The following CASP4 variants were observed in gnomAD, a reference collection of about 807,000 sequenced individuals.
CASP4 encodes the protein caspase-4.
Under a neutral mutation model 41.3 loss-of-function variants are expected in CASP4, and 29 were observed. The observed-to-expected ratio is 0.70, with a 90% CI of 0.52 to 0.96. The LOEUF is 0.96. CASP4 is among the 40% of genes least tolerant of loss of function. The pLI, the probability that CASP4 is intolerant of heterozygous loss-of-function variation, is 0.00. For missense variants in CASP4, 447 were observed against 460.6 expected (o/e 0.97, Z 0.27); for synonymous variants, 185 against 158.4 (o/e 1.17, Z -1.26).
At chr11:104,967,336 A>G (rs550595621) in intron 1 of CASP4, among the ~76,000 whole-genome samples, 1 of 152,356 alleles carries the variant, frequency 6.6e-6, no homozygotes, top group East Asian at 1.9e-4. Flanking sequence ...GAATCAAAGG[A>G]GTAAAGAAAC....
chr11:104,943,398 A>G (rs1376000069), intron 8 of CASP4: 1 of 169,504 alleles, frequency 5.9e-6, no homozygotes, highest in African/African-American at 2.4e-5. Flanking sequence ...TCTGTGCTGG[A>G]ACACTTTTCC....
intron 1 of CASP4, among the ~76,000 whole-genome samples, chr11:104,956,905 T>C (rs1042967878): frequency 6.6e-6 from 1 of 152,016 alleles, no homozygotes; most frequent in Non-Finnish European, 1.5e-5. Flanking sequence ...AGCAATAAAA[T>C]TGAAGAGTTT....
Position 104,954,727 on chromosome 11 carries a change from T to C in CASP4, c.262+20A>G. 6.2e-7 allele frequency: 1 copy of C among 1,608,086 alleles called. No homozygotes were observed. The highest frequency in any genetic ancestry group is 8.5e-7 in the Non-Finnish European group (1 of 1,176,412). On this transcript the variant is annotated intron_variant, in intron 2 of 8. Transcript: ENST00000444739. ...ATTTAGGGAAAATTGAGACATTCAT[T>C]GTAAAAAATCCAGTCTTACCTTTTT...
intron 1 of CASP4, among the ~76,000 whole-genome samples, chr11:104,962,885 A>G (rs1860892146): frequency 6.6e-6 from 1 of 152,188 alleles, no homozygotes; most frequent in Non-Finnish European, 1.5e-5. Flanking sequence ...TAACTTTGCC[A>G]TTTAATGAGG....
chr11:104,962,781 T>C (rs574709140), intron 1 of CASP4, among the ~76,000 whole-genome samples: 12 of 152,368 alleles, frequency 7.9e-5, no homozygotes, highest in Admixed American at 2.6e-4. Context: ...TGCTCAATGC[T>C]GTAATTCAGT....
At chr11:104,943,704 G>C (rs893631107) in intron 8 of CASP4, 1 of 152,102 alleles carries the variant, frequency 6.6e-6, no homozygotes, top group African/African-American at 2.4e-5. Flanking sequence ...AACAAAACCT[G>C]GTGCACAGTT....
chr11:104,958,381 A>G (rs991891675), intron 1 of CASP4, among the ~76,000 whole-genome samples: 3 of 152,234 alleles, frequency 2.0e-5, no homozygotes, highest in African/African-American at 7.2e-5. Flanking sequence ...CAAACCATAC[A>G]TCTGATAAAG....
intron 2 of CASP4, 32 bp downstream of exon 2, chr11:104,954,715 T>G (rs1045092904): frequency 2.5e-6 from 4 of 1,601,786 alleles, no homozygotes; most frequent in Non-Finnish European, 3.4e-6. Context: ...TAGGGAAAAT[T>G]GAGACATTCA....
chr11:104,950,818 A>ACACACACACACACC, intron 4 of CASP4, 107 bp downstream of exon 4: 2 of 983,792 alleles, frequency 2.0e-6, no homozygotes, highest in Non-Finnish European at 3.0e-6. Flanking sequence ...ACACACACAC[A>ACACACACACACACC]CACACCCAAA....
chr11:104,967,857 A>T (rs1170875920), intron 1 of CASP4, among the ~76,000 whole-genome samples: 1 of 152,198 alleles, frequency 6.6e-6, no homozygotes, highest in Non-Finnish European at 1.5e-5. Flanking sequence ...CTGCCTAAGT[A>T]ACTCTATCCC....
At chr11:104,949,039 C>A (rs566668744) in intron 5 of CASP4, 9 of 212,218 alleles carry the variant, frequency 4.2e-5, no homozygotes, top group African/African-American at 1.8e-4. Flanking sequence ...TAGGCATGAG[C>A]CACCATCCTC....
At chr11:104,955,713 C>G (rs1317677790) in intron 1 of CASP4, among the ~76,000 whole-genome samples, 1 of 152,090 alleles carries the variant, frequency 6.6e-6, no homozygotes, top group African/African-American at 2.4e-5. Context: ...TAATGTATTA[C>G]TCCTTAGAGT....
chr11:104,949,834 C>T lies in CASP4; in HGVS notation c.547-57G>A, dbSNP rs1353022372. On this transcript the variant is annotated intron_variant, in intron 4 of 8. Coordinates refer to ENST00000444739, the MANE Select transcript of CASP4 (RefSeq NM_001225.4). Reference sequence around the variant, plus strand: ...AGAAGCATCACAATTAAAGGGGACTCCTAGATTTACCATGAGCGAAACAAG... The same window carrying T: ...AGAAGCATCACAATTAAAGGGGACTTCTAGATTTACCATGAGCGAAACAAG... 5 of 1,512,662 alleles carry T rather than the reference C, an allele frequency of 3.3e-6. No homozygotes were observed. The Admixed American group carries it at 5.1e-5, about 15-fold the overall frequency. The allele number at this position is 1,512,662 out of a possible 1,614,324, so 93.7% of individuals were successfully genotyped here.
rs372056674 is a variant in CASP4 at position 104,954,782 on chromosome 11, A to G, written c.227T>C (p.Phe76Ser). The change falls in exon 2 of 9, where the codon TTT (phenylalanine) becomes TCT (serine). Residue 76 changes from phenylalanine (F) to serine (S), a missense_variant. Physicochemically the swap from Phe to Ser is radical, Grantham distance 155. Coordinates refer to ENST00000444739, the MANE Select transcript of CASP4 (RefSeq NM_001225.4). Reference sequence around the variant, plus strand: ...GGGGGATATTTGGTCTATGTTAAAAAAGGTTTGAAGAAGCATTTGTCCTGC... The same window carrying G: ...GGGGGATATTTGGTCTATGTTAAAAGAGGTTTGAAGAAGCATTTGTCCTGC... ...RMAGQMLLQT[F>S]FNIDQISPNK... 4 of 1,613,484 alleles carry G rather than the reference A, an allele frequency of 2.5e-6. No individual in the cohort carries two copies. In the African/African-American group the frequency reaches 5.3e-5, roughly 22 times the overall value.
intron 1 of CASP4, among the ~76,000 whole-genome samples, chr11:104,967,292 G>A (rs565081236): frequency 6.6e-6 from 1 of 152,290 alleles, no homozygotes; most frequent in Admixed American, 6.5e-5. Context: ...TGTGAAGTTA[G>A]ACATAAACCC....
At chr11:104,944,368 C>CTGTCTG (rs1860400753) in intron 8 of CASP4, 1 of 141,238 alleles carries the variant, frequency 7.1e-6, no homozygotes, top group African/African-American at 2.7e-5. Context: ...CTCTCTCTCT[C>CTGTCTG]TGTGTGTGTG....
At chr11:104,955,031 A>G (rs1396515348) in intron 1 of CASP4, 30 bp from the exon 2 acceptor site, 1 of 1,605,700 alleles carries the variant, frequency 6.2e-7, no homozygotes, top group Non-Finnish European at 8.5e-7. Flanking sequence ...TCCTTTAACT[A>G]TGGGCACAGC....
chr11:104,949,955 G>A (rs140802537), intron 4 of CASP4, among the ~76,000 whole-genome samples, 178 bp from the exon 5 acceptor site: 11 of 152,226 alleles, frequency 7.2e-5, no homozygotes, highest in African/African-American at 1.9e-4. Context: ...TTATGGGGCC[G>A]TGGATTCCCA....
rs1263809277 is a variant in CASP4, at chr11:104,947,098, C to G, written c.1020G>C (p.Glu340Asp). 1 of 1,602,164 alleles carries G rather than the reference C, an allele frequency of 6.2e-7. No individual in the cohort carries two copies. Among genetic ancestry groups the G allele is most frequent in the Non-Finnish European group, 8.5e-7 (1 of 1,169,612 alleles). ...AGACACTTACCTTCCGAAATACTTCCTCTAGGTGGCAGCACCAAGAATATT... is the reference window on the plus strand; with the variant it reads ...AGACACTTACCTTCCGAAATACTTCGTCTAGGTGGCAGCACCAAGAATATT... Reference protein sequence around the residue: ...FQKYSWCCHLEEVFRKVQQSF... With the variant: ...FQKYSWCCHLDEVFRKVQQSF... Residue 340 changes from glutamate to aspartate, a missense_variant, in exon 7 of 9, where the codon GAG becomes GAC. Transcript: ENST00000444739.
Sources: gnomAD v4.1 joint callset for allele counts (sites outside exome capture counted in the v4.1 genomes callset) on GRCh38, gnomAD v4.1.1 for gene constraint, MANE v1.5 for transcripts, NCBI Gene and HGNC (gene_info 2026-07-23, HGNC 2026-07-21) for gene names.